Variants in MOB3B observed in about 807,000 individuals in gnomAD.
The protein encoded by MOB3B is MOB kinase activator-like 2B.
Under a neutral mutation model 18.7 loss-of-function variants are expected in MOB3B, and 7 were observed. The observed-to-expected ratio is 0.37, with a 90% CI of 0.21 to 0.70. The LOEUF (loss-of-function observed/expected upper bound fraction) is 0.70. Ranked by LOEUF, MOB3B falls within the 30% of genes least tolerant of loss-of-function variation. The pLI, the probability that MOB3B is intolerant of heterozygous loss-of-function variation, is 0.52. For missense variants in MOB3B, 253 were observed against 281.3 expected (o/e 0.90, Z 0.72); for synonymous variants, 111 against 99.9 (o/e 1.11, Z -0.66).
intron 3 of MOB3B, among the ~76,000 whole-genome samples, chr9:27,343,478 T>TAAAAAAAAAAAAAAAAAAAAAA (rs779124158): frequency 4.7e-5 from 4 of 84,318 alleles, no homozygotes; most frequent in African/African-American, 1.5e-4. Context: ...CAATAAATAC[T>TAAAAAAAAAAAAAAAAAAAAAA]AAAAAAAAAA....
chr9:27,484,029 G>A (rs1026530380), intron 1 of MOB3B, among the ~76,000 whole-genome samples: 2 of 152,220 alleles, frequency 1.3e-5, no homozygotes, highest in African/African-American at 4.8e-5. Flanking sequence ...CCCATAACGA[G>A]CTTATGATGC....
intron 1 of MOB3B, among the ~76,000 whole-genome samples, chr9:27,511,382 T>C (rs895252337): frequency 2.0e-5 from 3 of 152,146 alleles, no homozygotes; most frequent in Non-Finnish European, 4.4e-5. Flanking sequence ...GGGGATAAAA[T>C]TGTCCATCCT....
At chr9:27,456,994 A>G (rs1249836376) in intron 1 of MOB3B, among the ~76,000 whole-genome samples, 1 of 152,206 alleles carries the variant, frequency 6.6e-6, no homozygotes, top group East Asian at 1.9e-4. Flanking sequence ...TAGATTTATA[A>G]TAGGTCTAAT....
chr9:27,494,210 A>G (rs1054884332), intron 1 of MOB3B, among the ~76,000 whole-genome samples: 4 of 152,196 alleles, frequency 2.6e-5, no homozygotes, highest in African/African-American at 9.7e-5. Flanking sequence ...ATCAATGACA[A>G]TGGTGCCCGA....
chr9:27,522,420 C>CATATATATATATAT (rs66472709), intron 1 of MOB3B, among the ~76,000 whole-genome samples: 203 of 141,334 alleles, frequency 1.4e-3, no homozygotes, highest in African/African-American at 5.1e-3. Flanking sequence ...GACATTTTTT[C>CATATATATATATAT]ATATATATAT....
chr9:27,391,553 A>C (rs1467070994), intron 2 of MOB3B, among the ~76,000 whole-genome samples: 1 of 152,260 alleles, frequency 6.6e-6, no homozygotes, highest in Non-Finnish European at 1.5e-5. Context: ...TCAATTATTA[A>C]ACTATTTTAA....
At chr9:27,381,649 CT>C (rs954932231) in intron 2 of MOB3B, among the ~76,000 whole-genome samples, 23 of 152,168 alleles carry the variant, frequency 1.5e-4, no homozygotes, top group African/African-American at 5.1e-4. Flanking sequence ...AGCCCTAGAA[CT>C]TTTTTTTCGT....
In MOB3B at chr9:27,336,727, G is replaced by A. The variant is rs146012022; in HGVS notation, c.622-6111C>T. On this transcript the variant is annotated intron_variant, in intron 3 of 3. Transcript: ENST00000262244. ...GTGGCTACTAGGGGGAGGAGTTCAC[G>A]TATATAAAGGAAATTGGGCTCTCTA... 9.8e-4 allele frequency among the ~76,000 whole-genome samples: 149 copies of A among 152,080 alleles called. 2 individuals are homozygous for A. Among genetic ancestry groups the A allele is most frequent in the African/African-American group, 3.3e-3 (136 of 41,514 alleles).
chr9:27,435,622 G>A (rs942088848), intron 2 of MOB3B, among the ~76,000 whole-genome samples: 3 of 152,040 alleles, frequency 2.0e-5, no homozygotes, highest in African/African-American at 2.4e-5. Flanking sequence ...TTTTTGAGAA[G>A]GAGTTTCACT....
At chr9:27,358,566 C>T (rs950273078) in intron 3 of MOB3B, among the ~76,000 whole-genome samples, 1 of 152,204 alleles carries the variant, frequency 6.6e-6, no homozygotes, top group Non-Finnish European at 1.5e-5. Flanking sequence ...CTGTCACTAC[C>T]TCTGGAGTAA....
At chr9:27,347,628 A>AG (rs1563846503) in intron 3 of MOB3B, among the ~76,000 whole-genome samples, 1 of 152,214 alleles carries the variant, frequency 6.6e-6, no homozygotes, top group South Asian at 2.1e-4. Context: ...GAGAAGGTAT[A>AG]GGGTGGAGGT....
At chr9:27,335,684 C>T (rs1016224247) in intron 3 of MOB3B, among the ~76,000 whole-genome samples, 1 of 152,166 alleles carries the variant, frequency 6.6e-6, no homozygotes, top group African/African-American at 2.4e-5. Flanking sequence ...CTCCTCTCTT[C>T]CCAGAACACC....
rs55684272 is a variant in MOB3B at position 27,420,548 on chromosome 9, C to CATAT, written c.418+34581_418+34584dup. On this transcript the variant is annotated intron_variant, in intron 2 of 3. Transcript: ENST00000262244. ...ATCTATATATTCCATCTGTATATTC[C>CATAT]ATATATATATATATATATATATATA... Among the ~76,000 whole-genome samples the CATAT allele has an allele frequency of 2.5e-3, 78 of 31,066 alleles. 1 individual carries two copies. The highest frequency in any genetic ancestry group is 3.4e-3 in the South Asian group (3 of 888). The allele number at this position is 31,066 out of a possible 152,430, so 20.4% of individuals were successfully genotyped here. A position where few individuals can be genotyped will look rare whatever the true frequency, so the allele number is the denominator to read the frequency against.
intron 2 of MOB3B, chr9:27,394,130 C>T (rs946392338): frequency 1.3e-5 from 2 of 152,120 alleles, no homozygotes; most frequent in Non-Finnish European, 2.9e-5. Flanking sequence ...GTTCTTTCAT[C>T]ATAAGTTGGT....
At chr9:27,386,321 A>G (rs1282744052) in intron 2 of MOB3B, among the ~76,000 whole-genome samples, 3 of 152,226 alleles carry the variant, frequency 2.0e-5, no homozygotes, top group African/African-American at 7.2e-5. Context: ...CCATTTCAGT[A>G]TTATCATTAT....
At chr9:27,528,305 C>G (rs952158073) in intron 1 of MOB3B, among the ~76,000 whole-genome samples, 2 of 152,244 alleles carry the variant, frequency 1.3e-5, no homozygotes, top group African/African-American at 4.8e-5. Context: ...CTAGCAGCGG[C>G]CCAGCCCCAA....
intron 2 of MOB3B, among the ~76,000 whole-genome samples, chr9:27,424,672 A>G (rs530761172): frequency 6.6e-6 from 1 of 152,298 alleles, no homozygotes; most frequent in East Asian, 1.9e-4. Flanking sequence ...ACAAAGGGCA[A>G]ATGCTGATGG....
chr9:27,364,257 G>C (rs913335004), intron 2 of MOB3B, among the ~76,000 whole-genome samples: 5 of 152,174 alleles, frequency 3.3e-5, no homozygotes, highest in Non-Finnish European at 7.3e-5. Context: ...CATGGCACAA[G>C]TGACCCAACA....
At chr9:27,498,102 C>T (rs1819927404) in intron 1 of MOB3B, among the ~76,000 whole-genome samples, 1 of 152,184 alleles carries the variant, frequency 6.6e-6, no homozygotes, top group Admixed American at 6.5e-5. Flanking sequence ...CCCGGCTGCC[C>T]ACCCCCTTCT....
Sources: gnomAD v4.1 joint callset for allele counts (sites outside exome capture counted in the v4.1 genomes callset) on GRCh38, gnomAD v4.1.1 for gene constraint, MANE v1.5 for transcripts, NCBI Gene and HGNC (gene_info 2026-07-23, HGNC 2026-07-21) for gene names.